The following TAX1BP1 variants were observed in gnomAD, a reference collection of about 807,000 sequenced individuals.
TAX1BP1 encodes Tax1 binding protein 1.
Under a neutral mutation model 97.7 loss-of-function variants are expected in TAX1BP1, and 62 were observed. The ratio of observed to expected loss-of-function variants is 0.63; its 90% CI spans 0.52 to 0.78. The LOEUF is 0.78. Ranked by LOEUF, TAX1BP1 falls within the 30% of genes least tolerant of loss-of-function variation. The pLI, the probability that TAX1BP1 is intolerant of heterozygous loss-of-function variation, is 0.00. For synonymous variants in TAX1BP1, 340 were observed against 304.2 expected, an observed-to-expected ratio of 1.12 and a Z score of -1.23; for missense variants, 867 against 916.1, an observed-to-expected ratio of 0.95 and a Z score of 0.69.
chr7:27,827,714 G>A (rs1335839761), intron 15 of TAX1BP1, 24 bp from the exon 16 acceptor site: 32 of 1,600,252 alleles, frequency 2.0e-5, no homozygotes, highest in Non-Finnish European at 2.7e-5. Flanking sequence ...TTTCTTAAAA[G>A]TTCCAAAATT....
rs542883392 is a variant in TAX1BP1 at position 27,772,825 on chromosome 7, C to G, written c.612+2991C>G. Among the ~76,000 whole-genome samples the G allele has an allele frequency of 5.9e-5, 9 of 152,052 alleles. No homozygotes were observed. In the South Asian group the frequency reaches 1.7e-3, roughly 28 times the overall value. On this transcript the variant is annotated intron_variant, in intron 5 of 16. Transcript: ENST00000396319. The stretch of plus-strand genomic sequence containing the variant: ...ATTACAAAGTAGATTAAAACTAAAA[C>G]AAGATAATGTTTATAAATTGAGAAA...
rs576008969 is a variant in TAX1BP1, at chr7:27,771,548, T to C, written c.612+1714T>C. 1.1e-4 allele frequency among the ~76,000 whole-genome samples: 16 copies of C among 152,078 alleles called. No individual in the cohort carries two copies. In the East Asian group the frequency reaches 3.1e-3, roughly 29 times the overall value. On this transcript the variant is annotated intron_variant, in intron 5 of 16. Transcript: ENST00000396319. ...TGAGTAGTAGCTAAGATTTAAACAGTCTCAGATTCTCTGTGCTCTCCAGGT... is the reference window on the plus strand; with the variant it reads ...TGAGTAGTAGCTAAGATTTAAACAGCCTCAGATTCTCTGTGCTCTCCAGGT...
intron 13 of TAX1BP1, among the ~76,000 whole-genome samples, chr7:27,805,448 A>G (rs1343357077): frequency 6.6e-6 from 1 of 152,168 alleles, no homozygotes; most frequent in Non-Finnish European, 1.5e-5. Flanking sequence ...CACTATACTT[A>G]CTTTTACCAT....
chr7:27,757,020 T>C (rs1489189046), intron 2 of TAX1BP1, among the ~76,000 whole-genome samples: 2 of 152,172 alleles, frequency 1.3e-5, no homozygotes, highest in East Asian at 3.8e-4. Context: ...AAATTGGTTT[T>C]ATCACTTCTT....
chr7:27,817,536 C>T (rs903630392), intron 15 of TAX1BP1, among the ~76,000 whole-genome samples: 10 of 151,954 alleles, frequency 6.6e-5, no homozygotes, highest in Non-Finnish European at 1.2e-4. Flanking sequence ...TAGTGGTTTT[C>T]TTTTTTGGAG....
chr7:27,828,823 T>A lies in TAX1BP1; in HGVS notation c.2364T>A (p.Phe788Leu). 1 of 1,609,320 alleles carries A rather than the reference T, an allele frequency of 6.2e-7. No homozygotes were observed. The highest frequency in any genetic ancestry group is 8.5e-7 in the Non-Finnish European group (1 of 1,177,818). The change falls in exon 17 of 17, where the codon TTT becomes TTA. Residue 788 changes from phenylalanine to leucine, a missense_variant. This residue lies in a region of TAX1BP1 where 34 missense variants were observed against 33.2 expected (regional missense o/e 1.02). Coordinates refer to ENST00000396319, the MANE Select transcript of TAX1BP1 (RefSeq NM_006024.7). Reference sequence around the variant, plus strand: ...ATTTTGATCAGAATGTTCTAAATTTTGACTAGTTACTTTTTATTATGAGTT... The same window carrying A: ...ATTTTGATCAGAATGTTCTAAATTTAGACTAGTTACTTTTTATTATGAGTT... The part of the protein sequence containing the change: ...QTHFDQNVLN[F>L]D
Position 27,785,200 on chromosome 7 carries a change from A to G in TAX1BP1, c.650A>G (p.Asn217Ser), listed in dbSNP as rs1416316459. The change falls in exon 6 of 17, where the codon AAT (asparagine) becomes AGT (serine). Residue 217 changes from asparagine to serine, a missense_variant. By Grantham distance (46) the Asn-to-Ser change is conservative. Transcript: ENST00000396319. ...GTAACACAAAGCTTAAAAATGGAAA[A>G]TGAAGAGTTTAAGAAGAGGTTCAGT... Reference protein sequence around the residue: ...TEVTQSLKMENEEFKKRFSDA... With the variant: ...TEVTQSLKMESEEFKKRFSDA... 1 of 1,612,098 alleles carries G rather than the reference A, an allele frequency of 6.2e-7. No homozygotes were observed. Among genetic ancestry groups the G allele is most frequent in the Non-Finnish European group, 8.5e-7 (1 of 1,179,146 alleles).
intron 4 of TAX1BP1, among the ~76,000 whole-genome samples, chr7:27,769,044 A>G (rs912667039): frequency 2.0e-5 from 3 of 151,860 alleles, no homozygotes; most frequent in African/African-American, 4.8e-5. Flanking sequence ...TTCCTGAACT[A>G]TTAGCTGTTC....
At chr7:27,759,861 T>C (rs569386041) in intron 3 of TAX1BP1, among the ~76,000 whole-genome samples, 11 of 151,846 alleles carry the variant, frequency 7.2e-5, no homozygotes, top group Non-Finnish European at 1.5e-5. Context: ...AAATCTTTTT[T>C]TTTTTTTTTT....
chr7:27,829,001 T>C lies in TAX1BP1; in HGVS notation c.*172T>C. On this transcript the variant is annotated 3_prime_UTR_variant, in exon 17 of 17. Transcript: ENST00000396319. ...TGTTACTAGGATCAGGGTCAGTCTT[T>C]GGCTTATCAATAAATTTTAATCTCT... 4.0e-6 allele frequency: 2 copies of C among 505,266 alleles called. No homozygotes were observed. The highest frequency in any genetic ancestry group is 7.3e-5 in the Admixed American group (2 of 27,216). The allele number at this position is 505,266 out of a possible 1,614,324, so 31.3% of individuals were successfully genotyped here.
At chr7:27,785,358 C>T (rs1789438665) in intron 6 of TAX1BP1, 41 bp from the exon 7 acceptor site, 2 of 1,592,578 alleles carry the variant, frequency 1.3e-6, no homozygotes, top group South Asian at 2.3e-5. Context: ...AATTTTAAAA[C>T]TTTAAAACAT....
intron 4 of TAX1BP1, among the ~76,000 whole-genome samples, chr7:27,766,318 G>T (rs1332260331): frequency 1.3e-5 from 2 of 151,522 alleles, no homozygotes; most frequent in Non-Finnish European, 2.9e-5. Flanking sequence ...TACTCGGGAG[G>T]CTGAAGCAGG....
At position 27,807,732 on chromosome 7, in the gene TAX1BP1, C is replaced by A. The variant is rs1215980216; in HGVS notation, c.1764+7642C>A. Reference sequence around the variant, plus strand: ...ATCTTGTTCTTTATCAGACTTTCACCTGGTATTTTAGTATCTATTAATGAT... The same window carrying A: ...ATCTTGTTCTTTATCAGACTTTCACATGGTATTTTAGTATCTATTAATGAT... On this transcript the variant is annotated intron_variant, in intron 13 of 16. Transcript: ENST00000396319. Among the ~76,000 whole-genome samples the A allele has an allele frequency of 2.0e-5, 3 of 151,980 alleles. No individual in the cohort carries two copies. In the East Asian group the frequency reaches 5.8e-4, roughly 29 times the overall value.
At chr7:27,765,507 T>C (rs1003008403) in intron 3 of TAX1BP1, among the ~76,000 whole-genome samples, 2 of 152,196 alleles carry the variant, frequency 1.3e-5, no homozygotes, top group African/African-American at 4.8e-5. Flanking sequence ...GACTTTTATA[T>C]TGGTTCTTCC....
At chr7:27,788,837 G>A (rs560947062) in intron 8 of TAX1BP1, among the ~76,000 whole-genome samples, 161 of 151,984 alleles carry the variant, frequency 1.1e-3, no homozygotes, top group African/African-American at 3.7e-3. Context: ...TTTTTAGTAG[G>A]TAATGGTATT....
chr7:27,746,752 G>C (rs372669591), intron 1 of TAX1BP1, among the ~76,000 whole-genome samples: 3 of 152,132 alleles, frequency 2.0e-5, no homozygotes, highest in Non-Finnish European at 2.9e-5. Flanking sequence ...ACCTCAGGTA[G>C]GGAGAGGCTG....
chr7:27,804,397 C>T lies in TAX1BP1; in HGVS notation c.1764+4307C>T, dbSNP rs968234320. 3.3e-5 allele frequency among the ~76,000 whole-genome samples: 5 copies of T among 152,178 alleles called. No homozygotes were observed. In the South Asian group the frequency reaches 1.0e-3, roughly 32 times the overall value. ...ACTATAAGGACGAACCTTCCTTTGT[C>T]CTTGTTTATGTATGTCTGTGTGGTA... On this transcript the variant is annotated intron_variant, in intron 13 of 16. Transcript: ENST00000396319.
intron 15 of TAX1BP1, among the ~76,000 whole-genome samples, chr7:27,820,032 C>G (rs1790915202): frequency 6.6e-6 from 1 of 152,178 alleles, no homozygotes; most frequent in Admixed American, 6.5e-5. Flanking sequence ...TCCAGCCTTA[C>G]TGAGAATCAG....
intron 15 of TAX1BP1, among the ~76,000 whole-genome samples, chr7:27,826,312 A>T (rs1454425480): frequency 6.6e-6 from 1 of 152,240 alleles, no homozygotes; most frequent in East Asian, 1.9e-4. Context: ...CTCACAGATA[A>T]ACAGAAGTAT....
Sources: allele counts gnomAD v4.1 joint callset (sites outside exome capture counted in the v4.1 genomes callset), GRCh38; gene constraint gnomAD v4.1.1; regional missense constraint gnomAD v4.1.1; transcripts MANE v1.5; gene names NCBI Gene and HGNC (gene_info 2026-07-23, HGNC 2026-07-21).